Variants in MCUB observed in about 807,000 individuals in gnomAD.
MCUB encodes calcium uniporter regulatory subunit MCUb, mitochondrial.
In MCUB, 46 loss-of-function variants were observed where a neutral mutation model predicts 41.4. That is an observed-to-expected ratio of 1.11 (90% CI 0.88 to 1.42). The LOEUF (loss-of-function observed/expected upper bound fraction) is 1.42. Among genes scored for constraint, MCUB ranks in the 40% most tolerant of loss-of-function variants. The pLI, the probability that MCUB is intolerant of heterozygous loss-of-function variation, is 0.00. For missense variants in MCUB, 403 were observed against 404.9 expected (o/e 1.00, Z 0.04); for synonymous variants, 148 against 148.2 (o/e 1.00, Z 0.01).
intron 1 of MCUB, among the ~76,000 whole-genome samples, chr4:109,573,031 A>G (rs150636245): frequency 2.4e-4 from 37 of 152,342 alleles, no homozygotes; most frequent in Non-Finnish European, 4.1e-4. Flanking sequence ...GTGCCCAGCA[A>G]TGTCAAAACA....
chr4:109,666,348 G>A (rs1579091306), intron 4 of MCUB, among the ~76,000 whole-genome samples: 1 of 152,296 alleles, frequency 6.6e-6, no homozygotes, highest in Middle Eastern at 3.4e-3. Context: ...TATGGTGAGA[G>A]TGTTTAGTTT....
chr4:109,674,627 G>A (rs958794307), intron 4 of MCUB, among the ~76,000 whole-genome samples: 1 of 152,218 alleles, frequency 6.6e-6, no homozygotes, highest in African/African-American at 2.4e-5. Flanking sequence ...ATATGTGCAT[G>A]TGTTTAAACC....
rs145426554 is a variant in MCUB, at chr4:109,684,829, A to G, written c.816+183A>G. 1.2e-4 allele frequency: 60 copies of G among 515,584 alleles called. No individual in the cohort carries two copies. In the East Asian group the frequency reaches 1.7e-3, roughly 15 times the overall value. The allele number at this position is 515,584 out of a possible 1,614,324, so 31.9% of individuals were successfully genotyped here. On this transcript the variant is annotated intron_variant, in intron 6 of 7. Coordinates refer to ENST00000394650, the MANE Select transcript of MCUB (RefSeq NM_017918.5). ...GACTCACAACACAGAGAAATTATATATAACTTCTTTGGAGAAGTAATTAGT... is the reference window on the plus strand; with the variant it reads ...GACTCACAACACAGAGAAATTATATGTAACTTCTTTGGAGAAGTAATTAGT...
intron 1 of MCUB, among the ~76,000 whole-genome samples, chr4:109,623,539 C>T (rs1728297998): frequency 6.6e-6 from 1 of 152,070 alleles, no homozygotes; most frequent in Admixed American, 6.6e-5. Context: ...TAAATATTTC[C>T]CAGGACAAAT....
chr4:109,568,065 T>C (rs1579041727), intron 1 of MCUB, among the ~76,000 whole-genome samples: 2 of 149,800 alleles, frequency 1.3e-5, no homozygotes, highest in East Asian at 3.9e-4. Context: ...AATGTGACCA[T>C]AAACCTGGGG....
At chr4:109,576,731 G>C (rs958418456) in intron 1 of MCUB, among the ~76,000 whole-genome samples, 1 of 152,168 alleles carries the variant, frequency 6.6e-6, no homozygotes, top group Non-Finnish European at 1.5e-5. Context: ...AGATGTGGGC[G>C]CAGGGGAACC....
chr4:109,610,934 T>C (rs1005628843), intron 1 of MCUB, among the ~76,000 whole-genome samples: 1 of 152,160 alleles, frequency 6.6e-6, no homozygotes, highest in African/African-American at 2.4e-5. Context: ...CCCAGATCCA[T>C]AGGCCTGTGA....
intron 1 of MCUB, among the ~76,000 whole-genome samples, chr4:109,613,623 G>A (rs1728066296): frequency 6.6e-6 from 1 of 152,144 alleles, no homozygotes; most frequent in Non-Finnish European, 1.5e-5. Context: ...CATTTGTTAT[G>A]TAATCATGGA....
At chr4:109,632,252 A>G (rs1728489843) in intron 1 of MCUB, among the ~76,000 whole-genome samples, 1 of 152,080 alleles carries the variant, frequency 6.6e-6, no homozygotes, top group African/African-American at 2.4e-5. Flanking sequence ...TTTCTTAAAC[A>G]GTGTTTTGAA....
In MCUB at chr4:109,588,126, C is replaced by T. The variant is rs564042656; in HGVS notation, c.99+27690C>T. On this transcript the variant is annotated intron_variant, in intron 1 of 7. Coordinates refer to ENST00000394650, the MANE Select transcript of MCUB (RefSeq NM_017918.5). Reference sequence around the variant, plus strand: ...TTTATCTTCACAACTGTAGAAGCCACATTAAAATTTTATGATGGCCTCTTC... The same window carrying T: ...TTTATCTTCACAACTGTAGAAGCCATATTAAAATTTTATGATGGCCTCTTC... 1.1e-4 allele frequency among the ~76,000 whole-genome samples: 17 copies of T among 152,332 alleles called. No homozygotes were observed. The South Asian group carries it at 3.5e-3, about 32-fold the overall frequency.
chr4:109,675,097 A>T (rs549205059), intron 4 of MCUB, among the ~76,000 whole-genome samples: 25 of 152,216 alleles, frequency 1.6e-4, no homozygotes, highest in African/African-American at 6.0e-4. Context: ...TGTCAAAAAG[A>T]AAAAAAAGAA....
chr4:109,598,087 C>T lies in MCUB; in HGVS notation c.99+37651C>T, dbSNP rs777046267. 3.3e-3 allele frequency among the ~76,000 whole-genome samples: 497 copies of T among 149,686 alleles called. 2 individuals carry two copies. The highest frequency in any genetic ancestry group is 4.9e-3 in the Non-Finnish European group (328 of 67,378). On this transcript the variant is annotated intron_variant, in intron 1 of 7. Transcript: ENST00000394650. ...CTTCCTAGATGGGATGGCGGCCGGA[C>T]GGAGACGCTCCTCACTTCCCAGACT...
chr4:109,572,980 ATAT>A (rs985168786), intron 1 of MCUB, among the ~76,000 whole-genome samples: 8 of 152,282 alleles, frequency 5.3e-5, no homozygotes, highest in African/African-American at 1.9e-4. Context: ...GAAGTATTTA[ATAT>A]TATTATTACT....
At chr4:109,638,552 G>A (rs1172402167) in intron 1 of MCUB, among the ~76,000 whole-genome samples, 2 of 152,152 alleles carry the variant, frequency 1.3e-5, no homozygotes, top group Non-Finnish European at 2.9e-5. Context: ...GACTGATCAG[G>A]ATGGTGGTTG....
Position 109,560,434 on chromosome 4 carries a change from C to G in MCUB, c.97C>G (p.Gln33Glu). 1.6e-6 allele frequency: 2 copies of G among 1,277,142 alleles called. No homozygotes were observed. The highest frequency in any genetic ancestry group is 2.0e-6 in the Non-Finnish European group (2 of 1,008,956). The allele number at this position is 1,277,142 out of a possible 1,614,324, so 79.1% of individuals were successfully genotyped here. A position where few individuals can be genotyped will look rare whatever the true frequency, so the allele number is the denominator to read the frequency against. ...ARPWPLPPPP[Q>E]VLRVKLCGNV... ...CCCGTGGCCGCTGCCGCCTCCGCCC[C>G]AGGTAAGAGCGGGTGCCGGGCTGTG... The change falls in exon 1 of 8, where the codon CAG becomes GAG. Residue 33 changes from glutamine (Q) to glutamate (E), a missense_variant and splice_region_variant. Coordinates refer to ENST00000394650, the MANE Select transcript of MCUB (RefSeq NM_017918.5).
In MCUB at chr4:109,671,523, A is replaced by G. The variant is rs966286988; in HGVS notation, c.451+7129A>G. Reference sequence around the variant, plus strand: ...GTGTAGTCTACTGATGAGCCCATCAAAGGCATTCTTCATTTCTGTTACAGT... The same window carrying G: ...GTGTAGTCTACTGATGAGCCCATCAGAGGCATTCTTCATTTCTGTTACAGT... On this transcript the variant is annotated intron_variant, in intron 4 of 7. Coordinates refer to ENST00000394650, the MANE Select transcript of MCUB (RefSeq NM_017918.5). Among the ~76,000 whole-genome samples, 2 of 152,154 alleles carry G rather than the reference A, an allele frequency of 1.3e-5. 1 individual carries two copies. Among genetic ancestry groups the G allele is most frequent in the Admixed American group, 1.3e-4 (2 of 15,272 alleles).
chr4:109,578,772 T>C (rs979668405), intron 1 of MCUB, among the ~76,000 whole-genome samples: 1 of 152,074 alleles, frequency 6.6e-6, no homozygotes, highest in Non-Finnish European at 1.5e-5. Flanking sequence ...TCCCAAAGAA[T>C]CTCATGCTTT....
At chr4:109,657,847 C>A (rs3756256) in intron 1 of MCUB, among the ~76,000 whole-genome samples, 42,466 of 152,232 alleles carry the variant, frequency 0.28, 6,497 homozygotes, top group East Asian at 0.46. Flanking sequence ...GCACTGCTGT[C>A]CAATAGAACT....
intron 1 of MCUB, among the ~76,000 whole-genome samples, chr4:109,568,935 TA>T (rs1309586064): frequency 6.6e-6 from 1 of 152,228 alleles, no homozygotes; most frequent in Non-Finnish European, 1.5e-5. Context: ...CCACTTAATC[TA>T]GGGGGAAAAC....
Sources: allele counts gnomAD v4.1 joint callset (sites outside exome capture counted in the v4.1 genomes callset), GRCh38; gene constraint gnomAD v4.1.1; transcripts MANE v1.5; gene names NCBI Gene and HGNC (gene_info 2026-07-23, HGNC 2026-07-21).